GNA12: variants seen among roughly 807,000 people sequenced by gnomAD.
GNA12 encodes G protein subunit alpha 12.
Under a neutral mutation model 26.0 loss-of-function variants are expected in GNA12, and 9 were observed. The ratio of observed to expected loss-of-function variants is 0.35; its 90% CI spans 0.21 to 0.60. The LOEUF (loss-of-function observed/expected upper bound fraction) is 0.60. Among genes scored for constraint, GNA12 ranks in the 20% least tolerant of loss-of-function variants. GNA12 has a pLI of 0.78. For synonymous variants in GNA12, 264 were observed against 219.6 expected (o/e 1.20, Z -1.79); for missense variants, 405 against 525.8 (o/e 0.77, Z 2.25).
At chr7:2,799,799 G>A (rs981534787) in intron 1 of GNA12, among the ~76,000 whole-genome samples, 7 of 152,082 alleles carry the variant, frequency 4.6e-5, no homozygotes, top group African/African-American at 1.7e-4. Flanking sequence ...AAAGCAGATC[G>A]AGACCTCAGT....
chr7:2,803,734 G>A, intron 1 of GNA12, among the ~76,000 whole-genome samples: 1 of 151,012 alleles, frequency 6.6e-6, no homozygotes, highest in East Asian at 2.0e-4. Context: ...TGGCATAGGA[G>A]AAGCAAATTA....
intron 1 of GNA12, among the ~76,000 whole-genome samples, chr7:2,833,539 G>T (rs1778742369): frequency 6.6e-6 from 1 of 152,174 alleles, no homozygotes. Flanking sequence ...AAAGCCAGGG[G>T]ACAAGACCAA....
chr7:2,746,734 G>C (rs1362074568), intron 2 of GNA12, among the ~76,000 whole-genome samples: 1 of 152,064 alleles, frequency 6.6e-6, no homozygotes, highest in Non-Finnish European at 1.5e-5. Flanking sequence ...CCAGGAGCTG[G>C]TTTTTTGAAA....
chr7:2,751,771 A>T (rs1372518744), intron 2 of GNA12, among the ~76,000 whole-genome samples: 2 of 152,190 alleles, frequency 1.3e-5, no homozygotes, highest in Non-Finnish European at 2.9e-5. Context: ...TACGAAATGG[A>T]CAAATTGCTT....
intron 1 of GNA12, among the ~76,000 whole-genome samples, chr7:2,798,214 G>C (rs1792726147): frequency 6.6e-6 from 1 of 151,978 alleles, no homozygotes. Flanking sequence ...AAATAGATTA[G>C]ACACACAAAA....
chr7:2,771,211 A>T (rs921333977), intron 2 of GNA12, among the ~76,000 whole-genome samples: 5 of 152,220 alleles, frequency 3.3e-5, no homozygotes, highest in Non-Finnish European at 5.9e-5. Context: ...GAATCGCTTG[A>T]ACCTGGGAGG....
At chr7:2,792,986 G>C (rs1399396146) in intron 2 of GNA12, among the ~76,000 whole-genome samples, 1 of 152,218 alleles carries the variant, frequency 6.6e-6, no homozygotes, top group Non-Finnish European at 1.5e-5. Flanking sequence ...ACCCAGGCTT[G>C]CATCACCAGC....
intron 1 of GNA12, among the ~76,000 whole-genome samples, chr7:2,795,344 C>G (rs1054282144): frequency 6.6e-6 from 1 of 152,134 alleles, no homozygotes; most frequent in Non-Finnish European, 1.5e-5. Flanking sequence ...CCAAGACAGA[C>G]GCACATGGCC....
At chr7:2,793,912 C>T (rs1015566747) in intron 2 of GNA12, among the ~76,000 whole-genome samples, 3 of 148,376 alleles carry the variant, frequency 2.0e-5, no homozygotes, top group African/African-American at 7.5e-5. Context: ...AAAAAAAAGA[C>T]GTTTCCAATA....
chr7:2,839,783 G>A (rs553911311), intron 1 of GNA12, among the ~76,000 whole-genome samples: 3 of 152,144 alleles, frequency 2.0e-5, no homozygotes, highest in Non-Finnish European at 4.4e-5. Context: ...GGTGGATCAC[G>A]AGGTCAGGAG....
intron 1 of GNA12, among the ~76,000 whole-genome samples, chr7:2,808,515 G>A (rs1019239522): frequency 2.6e-5 from 4 of 152,192 alleles, no homozygotes; most frequent in African/African-American, 9.6e-5. Flanking sequence ...TGGATGGGAT[G>A]GAGAGGGACC....
At chr7:2,806,457 C>CAAAAAAAA (rs34036056) in intron 1 of GNA12, among the ~76,000 whole-genome samples, 107 of 80,474 alleles carry the variant, frequency 1.3e-3, no homozygotes, top group Non-Finnish European at 1.7e-3. Flanking sequence ...GACTCTGTCT[C>CAAAAAAAA]AAAAAAAAAA....
intron 2 of GNA12, among the ~76,000 whole-genome samples, chr7:2,775,718 C>A (rs1377247861): frequency 6.6e-6 from 1 of 152,208 alleles, no homozygotes; most frequent in Non-Finnish European, 1.5e-5. Flanking sequence ...AAGCAGAGGG[C>A]CAGGCTCCGA....
At chr7:2,838,440 T>C (rs1778900211) in intron 1 of GNA12, among the ~76,000 whole-genome samples, 1 of 152,048 alleles carries the variant, frequency 6.6e-6, no homozygotes, top group African/African-American at 2.4e-5. Flanking sequence ...AAAAATTAGC[T>C]GGGTGTGGTG....
Position 2,759,188 on chromosome 7 carries a change from T to A in GNA12, c.526-25687A>T, listed in dbSNP as rs149210236. On this transcript the variant is annotated intron_variant, in intron 2 of 3. Transcript: ENST00000275364. ...ATAAATAAATAAATAAATAAATAAA[T>A]AAAATAAAAATAAAAACCCCATGAT... is the stretch of plus-strand genomic sequence containing the variant. Among the ~76,000 whole-genome samples, 579 of 144,622 alleles carry A rather than the reference T, an allele frequency of 4.0e-3. 2 individuals carry two copies. Among genetic ancestry groups the A allele is most frequent in the Non-Finnish European group, 4.5e-3 (300 of 66,160 alleles). 94.9% of individuals were successfully genotyped at this position (144,622 alleles called of 152,430 possible).
intron 2 of GNA12, among the ~76,000 whole-genome samples, chr7:2,741,781 A>G (rs1583219943): frequency 6.6e-6 from 1 of 151,572 alleles, no homozygotes; most frequent in Non-Finnish European, 1.5e-5. Flanking sequence ...GAATGAGGAC[A>G]CCTGCTTCTA....
Position 2,743,550 on chromosome 7 carries a change from T to A in GNA12, c.526-10049A>T, listed in dbSNP as rs144704575. On this transcript the variant is annotated intron_variant, in intron 2 of 3. Transcript: ENST00000275364. Reference sequence around the variant, plus strand: ...AAGATACACAAAATCTTATCAGAGGTCAGGGAGGATCCAAGATGGCCGAAT... The same window carrying A: ...AAGATACACAAAATCTTATCAGAGGACAGGGAGGATCCAAGATGGCCGAAT... Among the ~76,000 whole-genome samples, 696 of 152,098 alleles carry A rather than the reference T, an allele frequency of 4.6e-3. 8 individuals are homozygous for A. The highest frequency in any genetic ancestry group is 0.016 in the African/African-American group (656 of 41,472).
intron 1 of GNA12, among the ~76,000 whole-genome samples, chr7:2,804,119 G>T (rs561634456): frequency 2.0e-5 from 3 of 152,156 alleles, no homozygotes; most frequent in Non-Finnish European, 4.4e-5. Flanking sequence ...AGCAAAACTT[G>T]AGAACACAAA....
intron 1 of GNA12, among the ~76,000 whole-genome samples, chr7:2,808,708 A>T (rs553625066): frequency 6.6e-6 from 1 of 152,144 alleles, no homozygotes; most frequent in Admixed American, 6.5e-5. Flanking sequence ...GGCCACCACC[A>T]TCTCTCACCT....
Sources: gnomAD v4.1 joint callset for allele counts (sites outside exome capture counted in the v4.1 genomes callset) on GRCh38, gnomAD v4.1.1 for gene constraint, MANE v1.5 for transcripts, NCBI Gene and HGNC (gene_info 2026-07-23, HGNC 2026-07-21) for gene names.